Variants in LLGL1 observed in about 807,000 individuals in gnomAD.
LLGL1 encodes the protein lethal(2) giant larvae protein homolog 1.
Under a neutral mutation model 110.6 loss-of-function variants are expected in LLGL1, and 58 were observed. The ratio of observed to expected loss-of-function variants is 0.52; its 90% CI spans 0.42 to 0.65. The LOEUF (loss-of-function observed/expected upper bound fraction) is 0.65, where lower values mean the gene tolerates loss of function less well. LLGL1 is among the 30% of genes least tolerant of loss of function. The probability of loss-of-function intolerance (pLI) is 0.00; values close to 1 mark genes in which losing one functional copy is unlikely to be tolerated. For synonymous variants in LLGL1, 674 were observed against 607.2 expected (o/e 1.11, Z -1.62); for missense variants, 1,229 against 1,462.1 (o/e 0.84, Z 2.60).
Position 18,241,918 on chromosome 17 carries a change from G to A in LLGL1, c.2801G>A (p.Arg934His), listed in dbSNP as rs756351159. 8.7e-6 allele frequency: 14 copies of A among 1,614,104 alleles called. No homozygotes were observed. Among genetic ancestry groups the A allele is most frequent in the Admixed American group, 3.3e-5 (2 of 60,028 alleles). Residue 934 changes from arginine (R) to histidine (H), a missense_variant, in exon 19 of 23, where the codon CGC (arginine) becomes CAC (histidine). Coordinates refer to ENST00000316843, the MANE Select transcript of LLGL1 (RefSeq NM_004140.4). ...CTGATATCCCCATCAGAATTTGAACGCTTCTCCCTAAGTGCCCGGAACATC... is the reference window on the plus strand; with the variant it reads ...CTGATATCCCCATCAGAATTTGAACACTTCTCCCTAAGTGCCCGGAACATC... ...FYLISPSEFE[R>H]FSLSARNITE...
intron 20 of LLGL1, 107 bp from the exon 21 acceptor site, chr17:18,242,401 T>G: frequency 6.4e-7 from 1 of 1,559,614 alleles, no homozygotes; most frequent in African/African-American, 1.3e-5. Context: ...GTGTGCTCAC[T>G]GGTGCCACCC....
At chr17:18,242,669 C>A in intron 21 of LLGL1, 41 bp downstream of exon 21, 1 of 1,579,074 alleles carries the variant, frequency 6.3e-7, no homozygotes. Context: ...GCTGCCCTGT[C>A]CCCTAGGCCT....
Position 18,227,530 on chromosome 17 carries a change from G to C in LLGL1, c.81+1767G>C, listed in dbSNP as rs79416871. 3.0e-3 allele frequency among the ~76,000 whole-genome samples: 460 copies of C among 152,220 alleles called. 3 individuals are homozygous for C. The highest frequency in any genetic ancestry group is 0.01 in the African/African-American group (434 of 41,506). On this transcript the variant is annotated intron_variant, in intron 1 of 22. Transcript: ENST00000316843. Reference sequence around the variant, plus strand: ...CAGCCTCCTGAAGCTGGGACTACAGGCTCGTGTCACCATGCCCGGCTAGTT... The same window carrying C: ...CAGCCTCCTGAAGCTGGGACTACAGCCTCGTGTCACCATGCCCGGCTAGTT...
chr17:18,242,288 G>A lies in LLGL1; in HGVS notation c.2995+10G>A, dbSNP rs111368230. 2.5e-6 allele frequency: 4 copies of A among 1,607,760 alleles called. No individual in the cohort carries two copies. Among genetic ancestry groups the A allele is most frequent in the Admixed American group, 1.7e-5 (1 of 59,964 alleles). ...CACAGCATGGGACCTGGTGAGGGGG[G>A]CATGAAAGGGGTCCAGACCCTGGCC... On this transcript the variant is annotated intron_variant, in intron 20 of 22. Transcript: ENST00000316843.
Position 18,232,770 on chromosome 17 carries a change from G to C in LLGL1, c.360G>C (p.Gln120His). 1 of 1,614,076 alleles carries C rather than the reference G, an allele frequency of 6.2e-7. No homozygotes were observed. The highest frequency in any genetic ancestry group is 2.2e-5 in the East Asian group (1 of 44,880). Residue 120 changes from glutamine (Q) to histidine (H), a missense_variant, in exon 4 of 23, where the codon CAG becomes CAC. By Grantham distance (24) the Gln-to-His change is conservative. Transcript: ENST00000316843. ...CAHLEEALSFQLPSRPGFDGA... is the reference protein window; with the variant it reads ...CAHLEEALSFHLPSRPGFDGA... ...ACCTGGAAGAAGCACTCAGTTTCCA[G>C]CTGCCCAGCCGGCCCGGCTTTGATG...
chr17:18,234,802 A>C, intron 8 of LLGL1, 37 bp from the exon 9 acceptor site: 2 of 1,613,076 alleles, frequency 1.2e-6, no homozygotes, highest in Non-Finnish European at 1.7e-6. Context: ...TCTGGACCCA[A>C]GTGGTTCATG....
chr17:18,232,024 T>G (rs905474858), intron 2 of LLGL1, among the ~76,000 whole-genome samples: 1 of 152,208 alleles, frequency 6.6e-6, no homozygotes, highest in African/African-American at 2.4e-5. Context: ...GCCTGGACTC[T>G]TCTGCCCCCT....
intron 2 of LLGL1, among the ~76,000 whole-genome samples, chr17:18,231,093 T>C (rs968367378): frequency 1.3e-5 from 2 of 152,186 alleles, no homozygotes; most frequent in African/African-American, 4.8e-5. Flanking sequence ...GGGTCTCCAG[T>C]GCACTTGTCC....
chr17:18,236,809 C>G (rs1219412190), intron 12 of LLGL1, 26 bp from the exon 13 acceptor site: 1 of 1,613,000 alleles, frequency 6.2e-7, no homozygotes, highest in Admixed American at 1.7e-5. Flanking sequence ...CCCGCCTGGA[C>G]TCATTACTCC....
At chr17:18,230,720 C>G (rs1186704686) in intron 2 of LLGL1, among the ~76,000 whole-genome samples, 1 of 152,184 alleles carries the variant, frequency 6.6e-6, no homozygotes, top group Non-Finnish European at 1.5e-5. Context: ...ACCCCTACCC[C>G]TCCTGTGTGG....
At chr17:18,225,855 G>T (rs2047425612) in intron 1 of LLGL1, 92 bp downstream of exon 1, 1 of 477,550 alleles carries the variant, frequency 2.1e-6, no homozygotes, top group South Asian at 8.5e-5. Flanking sequence ...GTCGGGCCCG[G>T]GGGGCGGGGG....
Position 18,244,866 on chromosome 17 carries a change from A to G in LLGL1, c.*960A>G, listed in dbSNP as rs550132584. 4 of 405,428 alleles carry G rather than the reference A, an allele frequency of 9.9e-6. No homozygotes were observed. Among genetic ancestry groups the G allele is most frequent in the Non-Finnish European group, 1.7e-5 (4 of 229,766 alleles). 25.1% of individuals were successfully genotyped at this position (405,428 alleles called of 1,614,324 possible). ...AATATTGAAAATAAAAGCATTTAATATCTCTTAAAGGGCATCCACATCTGC... is the reference window on the plus strand; with the variant it reads ...AATATTGAAAATAAAAGCATTTAATGTCTCTTAAAGGGCATCCACATCTGC... On this transcript the variant is annotated 3_prime_UTR_variant, in exon 23 of 23. Coordinates refer to ENST00000316843, the MANE Select transcript of LLGL1 (RefSeq NM_004140.4).
chr17:18,241,056 C>T, intron 17 of LLGL1, 183 bp downstream of exon 17: 1 of 656,286 alleles, frequency 1.5e-6, no homozygotes, highest in Non-Finnish European at 2.5e-6. Flanking sequence ...AACCCTGATG[C>T]CCCCTCAGCC....
At chr17:18,239,010 G>A (rs2047761862) in intron 16 of LLGL1, among the ~76,000 whole-genome samples, 1 of 152,058 alleles carries the variant, frequency 6.6e-6, no homozygotes, top group Admixed American at 6.5e-5. Flanking sequence ...GACCTTCTCA[G>A]AAAAAAAGCT....
intron 1 of LLGL1, among the ~76,000 whole-genome samples, chr17:18,229,039 T>C (rs2047512046): frequency 6.6e-6 from 1 of 151,966 alleles, no homozygotes; most frequent in African/African-American, 2.4e-5. Flanking sequence ...TTACCAGTGG[T>C]AAAAGTGAAA....
In LLGL1 at chr17:18,233,915, C is replaced by A; in HGVS notation, c.530C>A (p.Ala177Asp). The A allele has an allele frequency of 6.2e-7, 1 of 1,612,852 alleles. No individual in the cohort carries two copies. The highest frequency in any genetic ancestry group is 8.5e-7 in the Non-Finnish European group (1 of 1,179,938). Residue 177 changes from alanine to aspartate, a missense_variant, in exon 5 of 23, where the codon GCC (alanine) becomes GAC (aspartate). Ala to Asp is a moderately radical substitution (Grantham distance 126). Transcript: ENST00000316843. Reference sequence around the variant, plus strand: ...ACCCTGCTCGAGGGGCAGACGCTTGCCCCAGGCGAGGTTCTGCGCAGGTAA... The same window carrying A: ...ACCCTGCTCGAGGGGCAGACGCTTGACCCAGGCGAGGTTCTGCGCAGGTAA... ...TLTLLEGQTL[A>D]PGEVLRSVPD... is the part of the protein sequence containing the mutation.
Position 18,235,475 on chromosome 17 carries a change from G to A in LLGL1, c.1290G>A (p.Trp430Ter), listed in dbSNP as rs770630309. Residue 430 changes from tryptophan to a stop codon, truncating the protein, a stop_gained, in exon 11 of 23, where the codon TGG becomes TGA. Coordinates refer to ENST00000316843, the MANE Select transcript of LLGL1 (RefSeq NM_004140.4). LOFTEE classifies it high-confidence loss of function. Reference protein sequence around the residue: ...SPQPVSSALSWPITGGRNLAQ... With the variant: ...SPQPVSSALS Reference sequence around the variant, plus strand: ...TCTCTGCCACCCCCTCCCAGAGCTGGCCCATCACTGGGGGCCGAAACCTGG... The same window carrying A: ...TCTCTGCCACCCCCTCCCAGAGCTGACCCATCACTGGGGGCCGAAACCTGG... 6.8e-6 allele frequency: 11 copies of A among 1,614,076 alleles called. No homozygotes were observed. The highest frequency in any genetic ancestry group is 8.5e-7 in the Non-Finnish European group (1 of 1,180,018).
chr17:18,237,656 T>TGCCGCC lies in LLGL1; in HGVS notation c.1788_1793dup (p.Pro597_Pro598dup). On this transcript the variant is annotated inframe_insertion, in exon 14 of 23. Coordinates refer to ENST00000316843, the MANE Select transcript of LLGL1 (RefSeq NM_004140.4). The stretch of plus-strand genomic sequence containing the variant: ...CAGCCCCGTGTCCTGGTGCAGTGCC[T>TGCCGCC]GCCGCCAGCTGCTGTAACCGCTGTC... 1 of 1,612,238 alleles carries TGCCGCC rather than the reference T, an allele frequency of 6.2e-7. No homozygotes were observed. The highest frequency in any genetic ancestry group is 8.5e-7 in the Non-Finnish European group (1 of 1,179,962).
chr17:18,234,727 G>C (rs377078954), intron 8 of LLGL1, 24 bp downstream of exon 8: 1 of 1,614,084 alleles, frequency 6.2e-7, no homozygotes, highest in South Asian at 1.1e-5. Context: ...GTGGGTGTCC[G>C]ATGTGAGTTG....
Sources: gnomAD v4.1 joint callset for allele counts (sites outside exome capture counted in the v4.1 genomes callset) on GRCh38, gnomAD v4.1.1 for gene constraint, MANE v1.5 for transcripts, NCBI Gene and HGNC (gene_info 2026-07-23, HGNC 2026-07-21) for gene names.